Variants in SDC3 observed in about 807,000 individuals in gnomAD.
The protein encoded by SDC3 is syndecan 3.
SDC3 carries 13 observed loss-of-function variants against 24.4 expected under a neutral mutation model. The ratio of observed to expected loss-of-function variants is 0.53; its 90% CI spans 0.35 to 0.85. The LOEUF (loss-of-function observed/expected upper bound fraction) is 0.85, where lower values mean the gene tolerates loss of function less well. SDC3 is among the 40% of genes least tolerant of loss of function. The pLI is 0.01. For synonymous variants in SDC3, 295 were observed against 260.9 expected, an observed-to-expected ratio of 1.13 and a Z score of -1.26; for missense variants, 571 against 584.5, an observed-to-expected ratio of 0.98 and a Z score of 0.24.
At chr1:30,888,005 C>A (rs188198090) in intron 1 of SDC3, among the ~76,000 whole-genome samples, 59 of 152,354 alleles carry the variant, frequency 3.9e-4, no homozygotes, top group Admixed American at 1.5e-3. Flanking sequence ...TATTTTGTCA[C>A]AAAATGTTTA....
intron 1 of SDC3, among the ~76,000 whole-genome samples, chr1:30,895,123 T>A (rs947649): frequency 0.5 from 76,268 of 151,904 alleles, 19,969 homozygotes; most frequent in South Asian, 0.67. Context: ...GGGACAGCAG[T>A]TGGGGGACTC....
rs1428835281 is a variant in SDC3 at position 30,871,833 on chromosome 1, C to T, written c.*1378G>A. 2.0e-5 allele frequency: 3 copies of T among 152,342 alleles called. No homozygotes were observed. The highest frequency in any genetic ancestry group is 4.4e-5 in the Non-Finnish European group (3 of 68,122). 9.4% of individuals were successfully genotyped at this position (152,342 alleles called of 1,614,324 possible). A position where few individuals can be genotyped will look rare whatever the true frequency, so the allele number is the denominator to read the frequency against. Reference sequence around the variant, plus strand: ...CCAAGACCCCCCAACAACCTGGGGCCAAATTTCCTTCCTCAGCCTTAGAGG... The same window carrying T: ...CCAAGACCCCCCAACAACCTGGGGCTAAATTTCCTTCCTCAGCCTTAGAGG... On this transcript the variant is annotated 3_prime_UTR_variant, in exon 5 of 5. Coordinates refer to ENST00000339394, the MANE Select transcript of SDC3 (RefSeq NM_014654.4).
At position 30,888,937 on chromosome 1, in the gene SDC3, C is replaced by T. The variant is rs142870544; in HGVS notation, c.139-10197G>A. On this transcript the variant is annotated intron_variant, in intron 1 of 4. Coordinates refer to ENST00000339394, the MANE Select transcript of SDC3 (RefSeq NM_014654.4). Reference sequence around the variant, plus strand: ...AGGGCCCTCAAAAGCCAGCCTAGGGCCACACTTGCCCCAGGACTGTCTCCA... The same window carrying T: ...AGGGCCCTCAAAAGCCAGCCTAGGGTCACACTTGCCCCAGGACTGTCTCCA... 2.6e-3 allele frequency among the ~76,000 whole-genome samples: 347 copies of T among 135,184 alleles called. 2 individuals carry two copies. The highest frequency in any genetic ancestry group is 0.011 in the African/African-American group (338 of 31,270). 88.7% of individuals were successfully genotyped at this position (135,184 alleles called of 152,430 possible).
chr1:30,899,140 G>T (rs935227508), intron 1 of SDC3, among the ~76,000 whole-genome samples: 1 of 152,204 alleles, frequency 6.6e-6, no homozygotes, highest in Non-Finnish European at 1.5e-5. Context: ...AGGCTGGAGT[G>T]CAGTGGCACA....
intron 1 of SDC3, among the ~76,000 whole-genome samples, chr1:30,905,372 C>CACACAT (rs1638500158): frequency 7.1e-6 from 1 of 139,924 alleles, no homozygotes; most frequent in Admixed American, 7.5e-5. Context: ...CACACACACA[C>CACACAT]ACACACACAC....
chr1:30,900,148 G>A (rs1318639425), intron 1 of SDC3, among the ~76,000 whole-genome samples: 5 of 152,146 alleles, frequency 3.3e-5, no homozygotes, highest in Non-Finnish European at 5.9e-5. Flanking sequence ...CCCCACTGTG[G>A]GCACATTGCT....
At position 30,874,446 on chromosome 1, in the gene SDC3, C is replaced by T; in HGVS notation, c.1013G>A (p.Gly338Glu). ...TGGAGATGATGCCTTGGCCGCAGCC[C>T]CTCCCACAGCTACCACCTCATTGGC... ...DTANEVVAVG[G>E]AAAKASSPPG... The change falls in exon 4 of 5, where the codon GGG (glycine) becomes GAG (glutamate). Residue 338 changes from glycine (G) to glutamate (E), a missense_variant. By Grantham distance (98) the Gly-to-Glu change is moderately conservative. Transcript: ENST00000339394. 1.2e-6 allele frequency: 2 copies of T among 1,614,200 alleles called. No individual in the cohort carries two copies.
In SDC3 at chr1:30,902,913, C is replaced by G. The variant is rs574170827; in HGVS notation, c.138+5536G>C. 1.2e-4 allele frequency among the ~76,000 whole-genome samples: 19 copies of G among 152,372 alleles called. No homozygotes were observed. The South Asian group carries it at 3.9e-3, about 32-fold the overall frequency. ...CTGCCTGGGCTCCATAGCTCACAGT[C>G]CCGGCTTCCTTCATTCCTTTATTCC... is the stretch of plus-strand genomic sequence containing the variant. On this transcript the variant is annotated intron_variant, in intron 1 of 4. Transcript: ENST00000339394.
chr1:30,908,586 T>TGGCGGCGGCGCGGGCGCG lies in SDC3; in HGVS notation c.-18_-1dup. 6 of 971,996 alleles carry TGGCGGCGGCGCGGGCGCG rather than the reference T, an allele frequency of 6.2e-6. No homozygotes were observed. Among genetic ancestry groups the TGGCGGCGGCGCGGGCGCG allele is most frequent in the Non-Finnish European group, 7.3e-6 (6 of 824,254 alleles). The allele number at this position is 971,996 out of a possible 1,614,324, so 60.2% of individuals were successfully genotyped here. A position where few individuals can be genotyped will look rare whatever the true frequency, so the allele number is the denominator to read the frequency against. On this transcript the variant is annotated 5_prime_UTR_variant, in exon 1 of 5. Transcript: ENST00000339394. Reference sequence around the variant, plus strand: ...GCACGGTGCGGCGGCCCCGGCTTCATGGCGGCGGCGCGGGCGCGGGCGGCG... The same window carrying TGGCGGCGGCGCGGGCGCG: ...GCACGGTGCGGCGGCCCCGGCTTCATGGCGGCGGCGCGGGCGCGGGCGGCGGCGCGGGCGCGGGCGGCG...
intron 1 of SDC3, among the ~76,000 whole-genome samples, chr1:30,880,208 A>C (rs971078441): frequency 2.0e-5 from 3 of 152,048 alleles, no homozygotes; most frequent in Non-Finnish European, 4.4e-5. Context: ...CATCTTCTCC[A>C]TGCTAACGAC....
rs11338317 is a variant in SDC3 at position 30,869,536 on chromosome 1, C to CAAAAAAAAAAAAA, written c.*3662_*3674dup. ...AGGAAGTGTTAAAAAAACAAACAAA[C>CAAAAAAAAAAAAA]AAAAAAAAAAAAAAAAAAAAAAAAA... is the stretch of plus-strand genomic sequence containing the variant. On this transcript the variant is annotated 3_prime_UTR_variant, in exon 5 of 5. Transcript: ENST00000339394. 3.2e-4 allele frequency: 110 copies of CAAAAAAAAAAAAA among 347,598 alleles called. No individual in the cohort carries two copies. Among genetic ancestry groups the CAAAAAAAAAAAAA allele is most frequent in the Non-Finnish European group, 4.1e-4 (84 of 203,396 alleles). The allele number at this position is 347,598 out of a possible 1,614,324, so 21.5% of individuals were successfully genotyped here.
At chr1:30,896,286 G>C (rs1156783339) in intron 1 of SDC3, among the ~76,000 whole-genome samples, 2 of 152,194 alleles carry the variant, frequency 1.3e-5, no homozygotes, top group African/African-American at 2.4e-5. Context: ...ATGTAATGGG[G>C]AATTAGCAGC....
chr1:30,898,157 A>G (rs1638319205), intron 1 of SDC3, among the ~76,000 whole-genome samples: 1 of 152,122 alleles, frequency 6.6e-6, no homozygotes, highest in African/African-American at 2.4e-5. Flanking sequence ...CTCTCATCAG[A>G]AAGGGCGGCC....
chr1:30,878,960 C>G (rs1445044251), intron 1 of SDC3: 2 of 533,960 alleles, frequency 3.7e-6, no homozygotes, highest in Non-Finnish European at 6.7e-6. Context: ...CTTTCAGTGT[C>G]TGGCTGATGA....
In SDC3 at chr1:30,899,456, C is replaced by A. The variant is rs546475033; in HGVS notation, c.138+8993G>T. The stretch of plus-strand genomic sequence containing the variant: ...GTGATGCGATCTCGGCTCACTGCAA[C>A]CTCCGCCTCCCGGGTTCAAGCAATT... On this transcript the variant is annotated intron_variant, in intron 1 of 4. Coordinates refer to ENST00000339394, the MANE Select transcript of SDC3 (RefSeq NM_014654.4). 1.2e-4 allele frequency among the ~76,000 whole-genome samples: 18 copies of A among 152,302 alleles called. No individual in the cohort carries two copies. The East Asian group carries it at 3.1e-3, about 26-fold the overall frequency.
At position 30,908,601 on chromosome 1, in the gene SDC3, CGCGGGCGGCGGGCG is replaced by C. The variant is rs941362354; in HGVS notation, c.-29_-16del. 1 of 966,072 alleles carries C rather than the reference CGCGGGCGGCGGGCG, an allele frequency of 1.0e-6. No individual in the cohort carries two copies. The highest frequency in any genetic ancestry group is 1.2e-6 in the Non-Finnish European group (1 of 816,738). The allele number at this position is 966,072 out of a possible 1,614,324, so 59.8% of individuals were successfully genotyped here. A position where few individuals can be genotyped will look rare whatever the true frequency, so the allele number is the denominator to read the frequency against. ...CCCGGCTTCATGGCGGCGGCGCGGG[CGCGGGCGGCGGGCG>C]GCGGGCGGGCGCCTTTGTTCCCGAG... On this transcript the variant is annotated 5_prime_UTR_variant, in exon 1 of 5. Transcript: ENST00000339394.
chr1:30,876,596 G>A lies in SDC3; in HGVS notation c.826C>T (p.Leu276=). The A allele has an allele frequency of 1.3e-6, 2 of 1,539,718 alleles. No homozygotes were observed. The highest frequency in any genetic ancestry group is 1.7e-6 in the Non-Finnish European group (2 of 1,143,828). ...CCAGGGGCAGTGGTCCCCAGGGGCAGGGTGCTCCTCTCAGGGATGTCAGGC... is the reference window on the plus strand; with the variant it reads ...CCAGGGGCAGTGGTCCCCAGGGGCAAGGTGCTCCTCTCAGGGATGTCAGGC... The part of the protein sequence containing the change: ...QEPDIPERST[L]PLGTTAPGPT... Residue 276 remains leucine, a synonymous_variant, in exon 3 of 5, where the codon CTG becomes TTG. Coordinates refer to ENST00000339394, the MANE Select transcript of SDC3 (RefSeq NM_014654.4).
At chr1:30,902,677 A>C (rs1272273725) in intron 1 of SDC3, among the ~76,000 whole-genome samples, 1 of 152,162 alleles carries the variant, frequency 6.6e-6, no homozygotes, top group Non-Finnish European at 1.5e-5. Context: ...CACAAAATCA[A>C]AGGGCTCCAA....
At chr1:30,878,442 A>G (rs1639685529) in intron 2 of SDC3, 181 bp downstream of exon 2, 1 of 575,984 alleles carries the variant, frequency 1.7e-6, no homozygotes, top group Non-Finnish European at 3.1e-6. Flanking sequence ...GTCTTGTTCT[A>G]TCCCCAGAAG....
Sources: gnomAD v4.1 joint callset for allele counts (sites outside exome capture counted in the v4.1 genomes callset) on GRCh38, gnomAD v4.1.1 for gene constraint, MANE v1.5 for transcripts, NCBI Gene and HGNC (gene_info 2026-07-23, HGNC 2026-07-21) for gene names.